The following ARK2C variants were observed in gnomAD, a reference collection of about 807,000 sequenced individuals.
ARK2C encodes E3 ubiquitin-protein ligase ARK2C.
the ARK2C span, among the ~76,000 whole-genome samples, chr18:46,441,493 G>A: frequency 6.6e-6 from 1 of 152,178 alleles, no homozygotes; most frequent in Non-Finnish European, 1.5e-5. Context: ...CTGTAATAAA[G>A]CTCCCTCTTT....
chr18:46,383,636 G>C, the ARK2C span, among the ~76,000 whole-genome samples: 2 of 139,558 alleles, frequency 1.4e-5, no homozygotes, highest in South Asian at 4.7e-4. Flanking sequence ...CTCACTGCAA[G>C]CTCTGCCTCC....
the ARK2C span, chr18:46,456,494 T>C: frequency 6.4e-7 from 1 of 1,565,508 alleles, no homozygotes; most frequent in Non-Finnish European, 8.8e-7. Context: ...TTGCCGGGCC[T>C]CTGACTCTCC....
chr18:46,410,567 G>A, the ARK2C span, among the ~76,000 whole-genome samples: 17 of 152,296 alleles, frequency 1.1e-4, no homozygotes, highest in Admixed American at 3.9e-4. Flanking sequence ...TGTCAATTTC[G>A]TCCCAGGAAG....
At chr18:46,402,027 G>A in the ARK2C span, among the ~76,000 whole-genome samples, 1 of 152,188 alleles carries the variant, frequency 6.6e-6, no homozygotes, top group African/African-American at 2.4e-5. Flanking sequence ...CTTTCCCTTG[G>A]AGCCATCTCT....
At chr18:46,444,660 G>A in the ARK2C span, among the ~76,000 whole-genome samples, 4 of 148,836 alleles carry the variant, frequency 2.7e-5, no homozygotes, top group African/African-American at 7.5e-5. Flanking sequence ...TTTTGTAGAC[G>A]TGATATCCCA....
At chr18:46,419,423 C>T in the ARK2C span, among the ~76,000 whole-genome samples, 3 of 152,148 alleles carry the variant, frequency 2.0e-5, no homozygotes, top group African/African-American at 7.2e-5. Context: ...GCAAGCAAGA[C>T]ACAACATGCT....
the ARK2C span, among the ~76,000 whole-genome samples, chr18:46,377,912 A>G: frequency 6.6e-6 from 1 of 152,130 alleles, no homozygotes; most frequent in Non-Finnish European, 1.5e-5. Context: ...ATCACCAAAC[A>G]TCCAAGAAGA....
chr18:46,383,794 G>A, the ARK2C span, among the ~76,000 whole-genome samples: 28 of 151,482 alleles, frequency 1.8e-4, no homozygotes, highest in Admixed American at 3.3e-4. Context: ...CTCGTGATCC[G>A]CCCACCTTGG....
the ARK2C span, among the ~76,000 whole-genome samples, chr18:46,403,389 G>GC: frequency 3.9e-5 from 6 of 152,134 alleles, no homozygotes; most frequent in African/African-American, 1.4e-4. Context: ...AGCCCTCCCT[G>GC]CCCCCCGTCT....
the ARK2C span, chr18:46,337,565 AT>A: frequency 1.0e-6 from 1 of 984,676 alleles, no homozygotes. Context: ...TTTTTTTTGT[AT>A]CGTGTGCATG....
chr18:46,354,091 C>G, the ARK2C span, among the ~76,000 whole-genome samples: 1 of 152,182 alleles, frequency 6.6e-6, no homozygotes, highest in African/African-American at 2.4e-5. Context: ...CACCAGGCTC[C>G]CCAATTCTCT....
the ARK2C span, among the ~76,000 whole-genome samples, chr18:46,375,595 AT>A: frequency 2.8e-5 from 4 of 142,404 alleles, no homozygotes; most frequent in African/African-American, 1.0e-4. Flanking sequence ...AATAATAATA[AT>A]AACTTGTCCT....
the ARK2C span, among the ~76,000 whole-genome samples, chr18:46,337,854 C>T: frequency 1.3e-5 from 2 of 150,842 alleles, no homozygotes; most frequent in Admixed American, 6.6e-5. Context: ...TCATTTAGTC[C>T]ATATCTTTTC....
the ARK2C span, among the ~76,000 whole-genome samples, chr18:46,428,802 T>C: frequency 6.6e-6 from 1 of 152,238 alleles, no homozygotes; most frequent in Non-Finnish European, 1.5e-5. Flanking sequence ...TAATTTCAAC[T>C]GTTTCTTTTT....
chr18:46,455,925 A>G, the ARK2C span: 1 of 1,182,250 alleles, frequency 8.5e-7, no homozygotes, highest in Non-Finnish European at 1.3e-6. Flanking sequence ...ACCAGCCACC[A>G]GCTGAGTCTG....
chr18:46,355,267 T>A, the ARK2C span, among the ~76,000 whole-genome samples: 1 of 152,126 alleles, frequency 6.6e-6, no homozygotes, highest in Admixed American at 6.6e-5. Context: ...TTAATATTTT[T>A]TTTTAACATG....
the ARK2C span, among the ~76,000 whole-genome samples, chr18:46,393,571 C>T: frequency 2.0e-5 from 3 of 152,166 alleles, no homozygotes; most frequent in Non-Finnish European, 4.4e-5. Flanking sequence ...GGAGCTGGCC[C>T]TTATGCTGTT....
At chr18:46,446,731 T>G in the ARK2C span, among the ~76,000 whole-genome samples, 1 of 151,158 alleles carries the variant, frequency 6.6e-6, no homozygotes, top group Non-Finnish European at 1.5e-5. Context: ...AAGAAGTTTG[T>G]TCTCCAGCAT....
the ARK2C span, among the ~76,000 whole-genome samples, chr18:46,384,182 C>G: frequency 1.7e-3 from 256 of 152,292 alleles, 3 homozygotes; most frequent in East Asian, 0.02. Context: ...TGCTTCCAGC[C>G]CAACCTCATC....
Sources: gnomAD v4.1 joint callset for allele counts (sites outside exome capture counted in the v4.1 genomes callset) on GRCh38, gnomAD v4.1.1 for gene constraint, MANE v1.5 for transcripts, NCBI Gene and HGNC (gene_info 2026-07-23, HGNC 2026-07-21) for gene names.